The following MYPN variants were observed in gnomAD, a reference collection of about 807,000 sequenced individuals.
MYPN encodes sarcomeric protein myopalladin, 145 kDa (MYOP).
MYPN carries 63 observed loss-of-function variants against 129.4 expected under a neutral mutation model. The ratio of observed to expected loss-of-function variants is 0.49; its 90% CI spans 0.40 to 0.60. MYPN has a LOEUF of 0.60. Among genes scored for constraint, MYPN ranks in the 20% least tolerant of loss-of-function variants. The pLI is 0.00. For missense variants in MYPN, 1,596 were observed against 1,635.4 expected, an observed-to-expected ratio of 0.98 and a Z score of 0.42; for synonymous variants, 629 against 600.9, an observed-to-expected ratio of 1.05 and a Z score of -0.68.
intron 10 of MYPN, among the ~76,000 whole-genome samples, chr10:68,169,870 C>T (rs2043118649): frequency 6.6e-6 from 1 of 151,888 alleles, no homozygotes; most frequent in Non-Finnish European, 1.5e-5. Context: ...CTCCCGAGTA[C>T]CTGTGATTAC....
chr10:68,098,994 G>A (rs1370718955), intron 1 of MYPN, among the ~76,000 whole-genome samples: 2 of 152,114 alleles, frequency 1.3e-5, no homozygotes, highest in African/African-American at 4.8e-5. Context: ...AATTAATCTG[G>A]TTCTCACAGT....
chr10:68,205,059 C>T (rs2043790812), intron 18 of MYPN, among the ~76,000 whole-genome samples: 1 of 152,154 alleles, frequency 6.6e-6, no homozygotes, highest in African/African-American at 2.4e-5. Context: ...GAAGTTTTCC[C>T]ACCCTTGAAT....
chr10:68,156,156 A>C (rs115094169), intron 6 of MYPN, among the ~76,000 whole-genome samples: 1 of 152,128 alleles, frequency 6.6e-6, no homozygotes, highest in African/African-American at 2.4e-5. Flanking sequence ...TCATTTACTC[A>C]ACCCCTTCTG....
chr10:68,161,688 T>C lies in MYPN; in HGVS notation c.1460-41T>C, dbSNP rs191609008. 8.3e-6 allele frequency: 13 copies of C among 1,572,408 alleles called. No individual in the cohort carries two copies. In the East Asian group the frequency reaches 1.8e-4, roughly 22 times the overall value. ...TTCTGATGAACATGTAGTTTCTCAGTAAAATAAATGCTCAGAATCTTTTAC... is the reference window on the plus strand; with the variant it reads ...TTCTGATGAACATGTAGTTTCTCAGCAAAATAAATGCTCAGAATCTTTTAC... On this transcript the variant is annotated intron_variant, in intron 7 of 19. Coordinates refer to ENST00000358913, the MANE Select transcript of MYPN (RefSeq NM_032578.4).
chr10:68,161,752 G>C lies in MYPN; in HGVS notation c.1483G>C (p.Glu495Gln), dbSNP rs1182596255. 1.9e-6 allele frequency: 3 copies of C among 1,609,146 alleles called. No individual in the cohort carries two copies. The highest frequency in any genetic ancestry group is 1.7e-6 in the Non-Finnish European group (2 of 1,176,418). Reference sequence around the variant, plus strand: ...AGAACCTCGATCCATGGCAGAGCCAGGTAAAGATGATTTCAACTTTAATTT... The same window carrying C: ...AGAACCTCGATCCATGGCAGAGCCACGTAAAGATGATTTCAACTTTAATTT... ...QKKPRSMAEPEEICTLVIAEV... is the reference protein window; with the variant it reads ...QKKPRSMAEPQEICTLVIAEV... Residue 495 changes from glutamate to glutamine, a missense_variant and splice_region_variant, in exon 8 of 20, where the codon GAG becomes CAG. Glu to Gln is a conservative substitution (Grantham distance 29). Coordinates refer to ENST00000358913, the MANE Select transcript of MYPN (RefSeq NM_032578.4).
intron 1 of MYPN, among the ~76,000 whole-genome samples, chr10:68,116,324 A>T (rs545467544): frequency 1.3e-5 from 2 of 152,326 alleles, no homozygotes; most frequent in African/African-American, 4.8e-5. Flanking sequence ...CTAATATTTT[A>T]TCAGTTTAAC....
At position 68,195,531 on chromosome 10, in the gene MYPN, A is replaced by G; in HGVS notation, c.3157A>G (p.Arg1053Gly). The change falls in exon 15 of 20, where the codon AGG (arginine) becomes GGG (glycine). Residue 1053 changes from arginine (R) to glycine (G), a missense_variant and splice_region_variant. Physicochemically the swap from Arg to Gly is moderately radical, Grantham distance 125. Coordinates refer to ENST00000358913, the MANE Select transcript of MYPN (RefSeq NM_032578.4). The part of the protein sequence containing the change: ...SRLTSAGQSH[R>G]GRSRVQERDK... ...GCTAACCTCTGCTGGTCAGTCTCAC[A>G]GGTAAAGACAGTAAGAATTCCCCCT... is the stretch of plus-strand genomic sequence containing the variant. The G allele has an allele frequency of 6.2e-7, 1 of 1,613,540 alleles. No homozygotes were observed. Among genetic ancestry groups the G allele is most frequent in the South Asian group, 1.1e-5 (1 of 91,062 alleles).
Position 68,210,614 on chromosome 10 carries a change from A to AG in MYPN, c.*160dup. The stretch of plus-strand genomic sequence containing the variant: ...GAATAAGTCAGCTAGGGATTCTTGC[A>AG]GTCTCAGCTGAGGGAGAAAGGTAGG... On this transcript the variant is annotated 3_prime_UTR_variant, in exon 20 of 20. Transcript: ENST00000358913. 1.2e-6 allele frequency: 1 copy of AG among 817,420 alleles called. No homozygotes were observed. The highest frequency in any genetic ancestry group is 2.1e-6 in the Non-Finnish European group (1 of 483,452). The allele number at this position is 817,420 out of a possible 1,614,324, so 50.6% of individuals were successfully genotyped here. A position where few individuals can be genotyped will look rare whatever the true frequency, so the allele number is the denominator to read the frequency against.
At chr10:68,199,714 G>A in intron 17 of MYPN, 139 bp downstream of exon 17, 1 of 840,698 alleles carries the variant, frequency 1.2e-6, no homozygotes, top group African/African-American at 1.7e-5. Context: ...GGTAGGGGTG[G>A]TATTTCCCAC....
intron 13 of MYPN, among the ~76,000 whole-genome samples, chr10:68,193,917 A>G (rs2043558733): frequency 6.6e-6 from 1 of 152,154 alleles, no homozygotes; most frequent in South Asian, 2.1e-4. Flanking sequence ...AACAAACCAT[A>G]CTAACCTTTC....
At chr10:68,168,991 T>TAAAAAA (rs71009012) in intron 10 of MYPN, among the ~76,000 whole-genome samples, 8 of 80,330 alleles carry the variant, frequency 1.0e-4, no homozygotes, top group African/African-American at 5.0e-4. Flanking sequence ...GATTATTTCT[T>TAAAAAA]AAAAAAAAAA....
intron 13 of MYPN, among the ~76,000 whole-genome samples, chr10:68,190,709 T>C (rs1488251538): frequency 5.9e-5 from 9 of 152,226 alleles, no homozygotes; most frequent in African/African-American, 2.2e-4. Context: ...TTTGTCTATT[T>C]TTGCCTTTGT....
In MYPN at chr10:68,210,672, G is replaced by A. The variant is rs2043898014; in HGVS notation, c.*217G>A. 6.0e-6 allele frequency: 4 copies of A among 664,222 alleles called. No individual in the cohort carries two copies. In the Admixed American group the frequency reaches 8.2e-5, roughly 14 times the overall value. The allele number at this position is 664,222 out of a possible 1,614,324, so 41.1% of individuals were successfully genotyped here. A position where few individuals can be genotyped will look rare whatever the true frequency, so the allele number is the denominator to read the frequency against. On this transcript the variant is annotated 3_prime_UTR_variant, in exon 20 of 20. Coordinates refer to ENST00000358913, the MANE Select transcript of MYPN (RefSeq NM_032578.4). ...CTTCTAAAGATTCCAACAGAGATGT[G>A]AGAAGATAATACAGATGAACCAAAG...
At chr10:68,092,905 G>A (rs1159001327) in intron 1 of MYPN, among the ~76,000 whole-genome samples, 1 of 152,180 alleles carries the variant, frequency 6.6e-6, no homozygotes, top group African/African-American at 2.4e-5. Context: ...GAGAGATAGA[G>A]CTGGGGCTCG....
In MYPN at chr10:68,211,028, T is replaced by G. The variant is rs969962308; in HGVS notation, c.*573T>G. 1 of 454,144 alleles carries G rather than the reference T, an allele frequency of 2.2e-6. No individual in the cohort carries two copies. The highest frequency in any genetic ancestry group is 4.4e-6 in the Non-Finnish European group (1 of 226,800). 28.1% of individuals were successfully genotyped at this position (454,144 alleles called of 1,614,324 possible). Reference sequence around the variant, plus strand: ...ACTTTTGATTTGCATATCCTGGGTGTACTGAGCCACATAATAAGGTGTCAA... The same window carrying G: ...ACTTTTGATTTGCATATCCTGGGTGGACTGAGCCACATAATAAGGTGTCAA... On this transcript the variant is annotated 3_prime_UTR_variant, in exon 20 of 20. Coordinates refer to ENST00000358913, the MANE Select transcript of MYPN (RefSeq NM_032578.4).
chr10:68,147,057 G>C (rs1305433859), intron 4 of MYPN, among the ~76,000 whole-genome samples: 1 of 152,188 alleles, frequency 6.6e-6, no homozygotes, highest in East Asian at 1.9e-4. Context: ...GAGCCATAGA[G>C]AGAGAGAGCA....
At chr10:68,095,987 T>G (rs2041954711) in intron 1 of MYPN, among the ~76,000 whole-genome samples, 1 of 152,236 alleles carries the variant, frequency 6.6e-6, no homozygotes, top group Middle Eastern at 3.2e-3. Flanking sequence ...GATTTCAAAA[T>G]AAATTTTTTA....
Position 68,143,094 on chromosome 10 carries a change from T to TA in MYPN, c.1057_1058insA (p.Ser353TyrfsTer3). 6.2e-7 allele frequency: 1 copy of TA among 1,614,086 alleles called. No homozygotes were observed. The highest frequency in any genetic ancestry group is 1.3e-5 in the African/African-American group (1 of 75,040). On this transcript the variant is annotated frameshift_variant, in exon 3 of 20. Transcript: ENST00000358913. LOFTEE classifies it high-confidence loss of function. ...TAACATCTATGGGACAGATTCGACT[T>TA]CTGCTGAGATTTATATAGAAGGTAA...
At chr10:68,114,477 T>A (rs2042126960) in intron 1 of MYPN, among the ~76,000 whole-genome samples, 1 of 151,962 alleles carries the variant, frequency 6.6e-6, no homozygotes, top group African/African-American at 2.4e-5. Context: ...GCCTCCCAGG[T>A]AACTGGGATT....
Sources: allele counts gnomAD v4.1 joint callset (sites outside exome capture counted in the v4.1 genomes callset), GRCh38; gene constraint gnomAD v4.1.1; transcripts MANE v1.5; gene names NCBI Gene and HGNC (gene_info 2026-07-23, HGNC 2026-07-21).